The following NRDC variants were observed in gnomAD, a reference collection of about 807,000 sequenced individuals.
The protein encoded by NRDC is nardilysin.
Under a neutral mutation model 147.1 loss-of-function variants are expected in NRDC, and 54 were observed. The ratio of observed to expected loss-of-function variants is 0.37; its 90% CI spans 0.29 to 0.46. The LOEUF (loss-of-function observed/expected upper bound fraction) is 0.46, where lower values mean the gene tolerates loss of function less well. NRDC is among the 20% of genes least tolerant of loss of function. The probability of loss-of-function intolerance (pLI) is 1.00; values close to 1 mark genes in which losing one functional copy is unlikely to be tolerated. For synonymous variants in NRDC, 440 were observed against 482.1 expected, an observed-to-expected ratio of 0.91 and a Z score of 1.14; for missense variants, 1,082 against 1,370.6, an observed-to-expected ratio of 0.79 and a Z score of 3.33.
chr1:51,833,928 G>A (rs1004390846), intron 4 of NRDC, 89 bp downstream of exon 4: 1 of 1,164,746 alleles, frequency 8.6e-7, no homozygotes, highest in Non-Finnish European at 1.2e-6. Flanking sequence ...GTAAAGTATT[G>A]TGACAATTCT....
chr1:51,815,090 A>T (rs1277525463), intron 11 of NRDC, among the ~76,000 whole-genome samples: 1 of 152,190 alleles, frequency 6.6e-6, no homozygotes, highest in Non-Finnish European at 1.5e-5. Flanking sequence ...AAACATTAAC[A>T]GTTTTATTAA....
At chr1:51,859,732 C>T (rs575966473) in intron 1 of NRDC, 4 of 152,242 alleles carry the variant, frequency 2.6e-5, no homozygotes, top group African/African-American at 7.2e-5. Context: ...AAAGTCTTTA[C>T]GGTAACTTAA....
At chr1:51,800,254 T>G (rs1679129381) in intron 21 of NRDC, among the ~76,000 whole-genome samples, 1 of 152,194 alleles carries the variant, frequency 6.6e-6, no homozygotes, top group African/African-American at 2.4e-5. Flanking sequence ...ATTACAGATA[T>G]AAGCTACCAT....
At chr1:51,806,400 G>GAA (rs10670207) in intron 18 of NRDC, among the ~76,000 whole-genome samples, 8,548 of 152,128 alleles carry the variant, frequency 0.056, 329 homozygotes, top group South Asian at 0.11. Context: ...TTAACTGAAA[G>GAA]AAAAAAATCT....
In NRDC at chr1:51,878,586, G is replaced by A. The variant is rs1222792385; in HGVS notation, c.30C>T (p.Val10=). The A allele has an allele frequency of 3.7e-6, 6 of 1,612,880 alleles. No homozygotes were observed. The highest frequency in any genetic ancestry group is 5.1e-6 in the Non-Finnish European group (6 of 1,179,586). The change falls in exon 1 of 31, where the codon GTC becomes GTT. Residue 10 remains valine, a synonymous_variant. Coordinates refer to ENST00000352171, the MANE Select transcript of NRDC (RefSeq NM_001101662.2). The stretch of plus-strand genomic sequence containing the variant: ...CACACAACTTCCTCCGGGTGGCACA[G>A]ACTGCAGCAACAGTGACTCTCCTCA... MLRRVTVAA[V]CATRRKLCEA...
intron 1 of NRDC, among the ~76,000 whole-genome samples, chr1:51,870,852 G>C (rs1248064850): frequency 6.6e-6 from 1 of 151,636 alleles, no homozygotes; most frequent in Non-Finnish European, 1.5e-5. Context: ...ATCTATTACT[G>C]TCTGTATCTT....
At chr1:51,820,894 G>T (rs917337671) in intron 8 of NRDC, among the ~76,000 whole-genome samples, 1 of 152,098 alleles carries the variant, frequency 6.6e-6, no homozygotes, top group East Asian at 1.9e-4. Context: ...TAACAAAAAG[G>T]TAGCAGTAAT....
intron 1 of NRDC, among the ~76,000 whole-genome samples, chr1:51,849,873 C>T (rs1011239442): frequency 6.6e-6 from 1 of 151,092 alleles, no homozygotes; most frequent in African/African-American, 2.4e-5. Context: ...AACTGCCTTA[C>T]CAGGTATAAA....
At chr1:51,807,058 C>A (rs1557903588) in intron 17 of NRDC, 145 bp from the exon 18 acceptor site, 2 of 682,086 alleles carry the variant, frequency 2.9e-6, no homozygotes, top group Admixed American at 3.6e-5. Flanking sequence ...AATTAGTAGA[C>A]CAATACCAAA....
At chr1:51,846,248 G>A (rs1436947388) in intron 1 of NRDC, among the ~76,000 whole-genome samples, 1 of 151,958 alleles carries the variant, frequency 6.6e-6, no homozygotes, top group South Asian at 2.1e-4. Context: ...GGGTAGCTGG[G>A]ACCACAGGCG....
intron 22 of NRDC, among the ~76,000 whole-genome samples, chr1:51,797,123 C>T (rs774587820): frequency 3.3e-5 from 5 of 151,770 alleles, no homozygotes; most frequent in South Asian, 2.1e-4. Flanking sequence ...TGGCGTGAAC[C>T]GAAGAGGTGG....
At chr1:51,796,175 C>G (rs902429693) in intron 22 of NRDC, among the ~76,000 whole-genome samples, 3 of 151,976 alleles carry the variant, frequency 2.0e-5, no homozygotes, top group African/African-American at 7.3e-5. Flanking sequence ...GCCACCATGT[C>G]CAGCCTTAAG....
At chr1:51,839,206 G>A (rs1440060842) in intron 2 of NRDC, among the ~76,000 whole-genome samples, 2 of 149,246 alleles carry the variant, frequency 1.3e-5, no homozygotes, top group Non-Finnish European at 3.0e-5. Context: ...GTTGGCCAGG[G>A]TGGAGTGCAG....
At chr1:51,860,404 C>T (rs569887866) in intron 1 of NRDC, among the ~76,000 whole-genome samples, 9 of 152,338 alleles carry the variant, frequency 5.9e-5, no homozygotes. Context: ...CAGTTGTATA[C>T]AGACTTATGT....
At chr1:51,826,734 TA>T (rs1252494794) in intron 5 of NRDC, among the ~76,000 whole-genome samples, 1 of 152,210 alleles carries the variant, frequency 6.6e-6, no homozygotes, top group Non-Finnish European at 1.5e-5. Flanking sequence ...TAGTTCAGCA[TA>T]AACCAAAACT....
At chr1:51,818,971 G>A (rs959796333) in intron 9 of NRDC, among the ~76,000 whole-genome samples, 8 of 152,058 alleles carry the variant, frequency 5.3e-5, no homozygotes, top group East Asian at 1.9e-4. Context: ...TTATAATCTC[G>A]ACTTTGTTAA....
At chr1:51,796,567 A>T (rs1422991015) in intron 22 of NRDC, among the ~76,000 whole-genome samples, 1 of 142,356 alleles carries the variant, frequency 7.0e-6, no homozygotes, top group Non-Finnish European at 1.5e-5. Flanking sequence ...TTTTGATAAA[A>T]TAATATAAAG....
chr1:51,871,862 GTTTT>G (rs1264708231), intron 1 of NRDC, among the ~76,000 whole-genome samples: 3 of 152,000 alleles, frequency 2.0e-5, no homozygotes, highest in Non-Finnish European at 2.9e-5. Flanking sequence ...AAAACAGGGC[GTTTT>G]TGTTTGTTTT....
chr1:51,827,924 A>G, intron 4 of NRDC, 55 bp from the exon 5 acceptor site: 3 of 1,339,262 alleles, frequency 2.2e-6, no homozygotes, highest in African/African-American at 1.4e-5. Context: ...ATCAATCAAC[A>G]TCTATTATTT....
Sources: gnomAD v4.1 joint callset for allele counts (sites outside exome capture counted in the v4.1 genomes callset) on GRCh38, gnomAD v4.1.1 for gene constraint, MANE v1.5 for transcripts, NCBI Gene and HGNC (gene_info 2026-07-23, HGNC 2026-07-21) for gene names.